Variants in HECW2 observed in about 807,000 individuals in gnomAD.
HECW2 encodes the protein E3 ubiquitin-protein ligase HECW2.
HECW2 carries 61 observed loss-of-function variants against 175.2 expected under a neutral mutation model. The observed-to-expected ratio is 0.35, with a 90% CI of 0.28 to 0.43. The LOEUF (loss-of-function observed/expected upper bound fraction) is 0.43. HECW2 is among the 20% of genes least tolerant of loss of function. The pLI is 1.00. For synonymous variants in HECW2, 671 were observed against 731.0 expected (o/e 0.92, Z 1.32); for missense variants, 1,524 against 2,000.5 (o/e 0.76, Z 4.54).
chr2:196,391,965 G>A (rs958846743), intron 2 of HECW2, among the ~76,000 whole-genome samples: 1 of 152,020 alleles, frequency 6.6e-6, no homozygotes, highest in African/African-American at 2.4e-5. Context: ...TTCTTTTAAG[G>A]ACAACATTCA....
chr2:196,274,505 G>A (rs1018923475), intron 15 of HECW2, among the ~76,000 whole-genome samples: 15 of 152,194 alleles, frequency 9.9e-5, no homozygotes, highest in African/African-American at 3.6e-4. Flanking sequence ...AAGACTGAGT[G>A]GTATAAATGT....
At chr2:196,369,342 G>GTCTCTCTCTCTCTC (rs71410611) in intron 2 of HECW2, among the ~76,000 whole-genome samples, 2,033 of 131,348 alleles carry the variant, frequency 0.015, 45 homozygotes, top group South Asian at 0.024. Flanking sequence ...AACAAATGGA[G>GTCTCTCTCTCTCTC]TCTCTCTCTC....
chr2:196,229,688 A>T (rs1687979682), intron 21 of HECW2, among the ~76,000 whole-genome samples: 2 of 152,180 alleles, frequency 1.3e-5, no homozygotes, highest in South Asian at 4.1e-4. Context: ...AACAAAAAGG[A>T]TCCTATAGGC....
chr2:196,409,149 A>G (rs1470322005), intron 2 of HECW2, among the ~76,000 whole-genome samples: 3 of 152,156 alleles, frequency 2.0e-5, no homozygotes, highest in African/African-American at 4.8e-5. Flanking sequence ...TTGTCAACAC[A>G]CTACTGACCA....
intron 1 of HECW2, among the ~76,000 whole-genome samples, chr2:196,561,097 A>C (rs1219651649): frequency 6.6e-6 from 1 of 152,226 alleles, no homozygotes; most frequent in Non-Finnish European, 1.5e-5. Context: ...CTTATTACCA[A>C]AAACGGGTAA....
chr2:196,248,817 CCT>C (rs1688753305), intron 19 of HECW2, among the ~76,000 whole-genome samples: 1 of 151,986 alleles, frequency 6.6e-6, no homozygotes, highest in South Asian at 2.1e-4. Context: ...GAAATAATTC[CCT>C]CTCACAACCC....
chr2:196,222,104 T>C (rs1687690186), intron 24 of HECW2, 107 bp downstream of exon 24: 1 of 1,013,110 alleles, frequency 9.9e-7, no homozygotes, highest in Admixed American at 2.5e-5. Flanking sequence ...AATCACCCAA[T>C]AAACCACGAA....
intron 1 of HECW2, among the ~76,000 whole-genome samples, chr2:196,437,611 CAAA>C (rs59563276): frequency 1.8e-5 from 1 of 55,786 alleles, no homozygotes; most frequent in East Asian, 6.9e-4. Context: ...GACTCTGTCT[CAAA>C]AAAAAAAAAA....
intron 1 of HECW2, among the ~76,000 whole-genome samples, chr2:196,499,654 G>T (rs1687512886): frequency 6.6e-6 from 1 of 152,174 alleles, no homozygotes; most frequent in Admixed American, 6.5e-5. Context: ...CCACTCTGCA[G>T]ATTTTCATAT....
intron 13 of HECW2, among the ~76,000 whole-genome samples, chr2:196,301,339 C>T (rs1449186337): frequency 2.0e-5 from 3 of 152,132 alleles, no homozygotes; most frequent in African/African-American, 7.2e-5. Context: ...AATGAACATA[C>T]ATGTTCACGT....
At chr2:196,325,234 G>C in intron 5 of HECW2, 85 bp from the exon 6 acceptor site, 1 of 999,916 alleles carries the variant, frequency 1.0e-6, no homozygotes, top group Non-Finnish European at 1.5e-6. Flanking sequence ...AGAGAACAAG[G>C]GACAGAAGAA....
At chr2:196,243,504 T>C (rs988746862) in intron 19 of HECW2, among the ~76,000 whole-genome samples, 13 of 152,130 alleles carry the variant, frequency 8.5e-5, no homozygotes, top group Admixed American at 3.9e-4. Flanking sequence ...GTACTGAGAA[T>C]ATCTAGATTA....
intron 1 of HECW2, among the ~76,000 whole-genome samples, chr2:196,523,112 A>G (rs1432115283): frequency 6.6e-6 from 1 of 152,084 alleles, no homozygotes; most frequent in Non-Finnish European, 1.5e-5. Context: ...ACCCATGAGC[A>G]TGGAATGTTC....
rs181965403 is a variant in HECW2 at position 196,320,723 on chromosome 2, C to T, written c.885-284G>A. Among the ~76,000 whole-genome samples the T allele has an allele frequency of 1.3e-3, 198 of 152,344 alleles. 5 individuals carry two copies. Among genetic ancestry groups the T allele is most frequent in the Admixed American group, 0.013 (196 of 15,308 alleles). On this transcript the variant is annotated intron_variant, in intron 7 of 28. Transcript: ENST00000644978. ...TGATATTTTTAAGGACACTGATTCA[C>T]TCTCTCACTTTTAAGGGTGACCAGG...
At chr2:196,249,435 A>C (rs1047902097) in intron 19 of HECW2, among the ~76,000 whole-genome samples, 1 of 146,126 alleles carries the variant, frequency 6.8e-6, no homozygotes, top group Non-Finnish European at 1.5e-5. Context: ...GCACTTGAAA[A>C]TACATGTCAA....
At chr2:196,245,282 G>A (rs1344939053) in intron 19 of HECW2, among the ~76,000 whole-genome samples, 2 of 152,184 alleles carry the variant, frequency 1.3e-5, no homozygotes, top group African/African-American at 2.4e-5. Context: ...ACAAGTCTAC[G>A]AAGCGGGTAT....
chr2:196,479,416 G>A (rs961412314), intron 1 of HECW2, among the ~76,000 whole-genome samples: 9 of 152,178 alleles, frequency 5.9e-5, no homozygotes, highest in Admixed American at 5.2e-4. Context: ...AGTGCTACTG[G>A]CATTTGGGTG....
chr2:196,589,113 C>T (rs535927775), intron 1 of HECW2, among the ~76,000 whole-genome samples: 3 of 152,232 alleles, frequency 2.0e-5, no homozygotes, highest in East Asian at 1.9e-4. Context: ...GCATGAGAAT[C>T]GCTTAAACCC....
chr2:196,521,927 A>G (rs1415468696), intron 1 of HECW2, among the ~76,000 whole-genome samples: 3 of 151,636 alleles, frequency 2.0e-5, no homozygotes, highest in African/African-American at 4.9e-5. Context: ...ATTGTGAATA[A>G]TGCCACAATA....
Sources: gnomAD v4.1 joint callset for allele counts (sites outside exome capture counted in the v4.1 genomes callset) on GRCh38, gnomAD v4.1.1 for gene constraint, MANE v1.5 for transcripts, NCBI Gene and HGNC (gene_info 2026-07-23, HGNC 2026-07-21) for gene names.